Variants in DDIT3 observed in about 807,000 individuals in gnomAD.
DDIT3 encodes DNA damage-inducible transcript 3 protein.
DDIT3 carries 14 observed loss-of-function variants against 17.6 expected under a neutral mutation model. That is an observed-to-expected ratio of 0.80 (90% CI 0.53 to 1.25). The LOEUF is 1.25. Among genes scored for constraint, DDIT3 ranks in the 50% most tolerant of loss-of-function variants. The pLI is 0.00. For synonymous variants in DDIT3, 93 were observed against 76.5 expected (o/e 1.22, Z -1.13); for missense variants, 216 against 202.7 (o/e 1.07, Z -0.40).
chr12:57,516,662 ACCTTT>A lies in DDIT3; in HGVS notation c.*142_*146del, dbSNP rs1877861204. On this transcript the variant is annotated 3_prime_UTR_variant, in exon 4 of 4. Transcript: ENST00000346473. ...GTACAATCTCTATATACAAGCTGAG[ACCTTT>A]CCTTTTGTCTACTCCAAGCCTTCCC... 2 of 1,523,720 alleles carry A rather than the reference ACCTTT, an allele frequency of 1.3e-6. No individual in the cohort carries two copies. Among genetic ancestry groups the A allele is most frequent in the African/African-American group, 1.4e-5 (1 of 71,644 alleles). 94.4% of individuals were successfully genotyped at this position (1,523,720 alleles called of 1,614,324 possible).
chr12:57,517,525 T>C (rs1319473148), intron 2 of DDIT3, 87 bp from the exon 3 acceptor site: 1 of 1,431,962 alleles, frequency 7.0e-7, no homozygotes, highest in Non-Finnish European at 9.6e-7. Context: ...GATGCCTGTT[T>C]TTGTAGGTAA....
In DDIT3 at chr12:57,517,371, T is replaced by C. The variant is rs1877944019; in HGVS notation, c.36A>G (p.Thr12=). The part of the protein sequence containing the change: ...AAESLPFSFG[T]LSSWELEAWY... ...AGGCTTCCAGCTCCCAGCTGGACAG[T>C]GTCCCGAAGGAGAAAGGCAATGACT... The change falls in exon 3 of 4, where the codon ACA becomes ACG. Residue 12 remains threonine, a synonymous_variant. Coordinates refer to ENST00000346473, the MANE Select transcript of DDIT3 (RefSeq NM_004083.6). 1.1e-5 allele frequency: 18 copies of C among 1,612,974 alleles called. No individual in the cohort carries two copies. Among genetic ancestry groups the C allele is most frequent in the Non-Finnish European group, 1.4e-5 (17 of 1,180,018 alleles).
At chr12:57,520,358 G>A (rs1239626650) in intron 1 of DDIT3, 60 bp downstream of exon 1, 1 of 398,426 alleles carries the variant, frequency 2.5e-6, no homozygotes, top group East Asian at 3.6e-5. Flanking sequence ...ATCCTAAAGA[G>A]CGGACGCCCC....
chr12:57,518,579 A>G (rs1187688935), intron 1 of DDIT3, among the ~76,000 whole-genome samples: 2 of 152,178 alleles, frequency 1.3e-5, no homozygotes, highest in African/African-American at 2.4e-5. Flanking sequence ...TGACAACTCT[A>G]GTTGCTTAAG....
rs878950898 is a variant in DDIT3, at chr12:57,516,757, C to G, written c.*52G>C. The G allele has an allele frequency of 6.3e-5, 99 of 1,579,272 alleles. No individual in the cohort carries two copies. In the South Asian group the frequency reaches 1.0e-3, roughly 16 times the overall value. ...GTGAGAGGGTAGTCAGTAGCCACTT[C>G]TGGGAAAGGTGGGTAGTGTGGCCCA... On this transcript the variant is annotated 3_prime_UTR_variant, in exon 4 of 4. Transcript: ENST00000346473.
At position 57,516,665 on chromosome 12, in the gene DDIT3, T is replaced by C. The variant is rs1666301759; in HGVS notation, c.*144A>G. The C allele has an allele frequency of 2.0e-6, 3 of 1,522,310 alleles. No individual in the cohort carries two copies. The highest frequency in any genetic ancestry group is 2.6e-6 in the Non-Finnish European group (3 of 1,137,188). The allele number at this position is 1,522,310 out of a possible 1,614,324, so 94.3% of individuals were successfully genotyped here. A position where few individuals can be genotyped will look rare whatever the true frequency, so the allele number is the denominator to read the frequency against. On this transcript the variant is annotated 3_prime_UTR_variant, in exon 4 of 4. Coordinates refer to ENST00000346473, the MANE Select transcript of DDIT3 (RefSeq NM_004083.6). ...CAATCTCTATATACAAGCTGAGACC[T>C]TTCCTTTTGTCTACTCCAAGCCTTC...
At chr12:57,519,119 A>C (rs781617497) in intron 1 of DDIT3, 4 of 532,420 alleles carry the variant, frequency 7.5e-6, no homozygotes, top group South Asian at 5.6e-5. Context: ...TTCTCTTGCC[A>C]CCCCTCCGCA....
chr12:57,517,560 C>CT, intron 2 of DDIT3, 122 bp from the exon 3 acceptor site: 1 of 1,025,236 alleles, frequency 9.8e-7, no homozygotes, highest in Non-Finnish European at 1.5e-6. Flanking sequence ...ACAGCCACAT[C>CT]TGTTTATTTA....
chr12:57,519,648 G>C (rs571601956), intron 1 of DDIT3, among the ~76,000 whole-genome samples: 1 of 152,340 alleles, frequency 6.6e-6, no homozygotes, highest in East Asian at 1.9e-4. Context: ...CAGCAGTAGA[G>C]CCTCAGGTCA....
intron 1 of DDIT3, among the ~76,000 whole-genome samples, chr12:57,519,582 C>T (rs946208893): frequency 1.3e-5 from 2 of 152,226 alleles, no homozygotes; most frequent in Non-Finnish European, 2.9e-5. Context: ...CTCTGCAGGG[C>T]TGTCCTCCCT....
At position 57,517,391 on chromosome 12, in the gene DDIT3, A is replaced by G. The variant is rs746059087; in HGVS notation, c.16T>C (p.Leu6=). 26 of 1,610,578 alleles carry G rather than the reference A, an allele frequency of 1.6e-5. No homozygotes were observed. The South Asian group carries it at 2.3e-4, about 14-fold the overall frequency. Residue 6 remains leucine, a synonymous_variant, in exon 3 of 4, where the codon TTG becomes CTG. Coordinates refer to ENST00000346473, the MANE Select transcript of DDIT3 (RefSeq NM_004083.6). MAAES[L]PFSFGTLSSW... is the part of the protein sequence containing the mutation. ...GACAGTGTCCCGAAGGAGAAAGGCA[A>G]TGACTCAGCTGCCATCTCTGCAGTT... is the stretch of plus-strand genomic sequence containing the variant.
rs1565654450 is a variant in DDIT3, at chr12:57,517,125, T to C, written c.194A>G (p.Glu65Gly). 4 of 1,613,022 alleles carry C rather than the reference T, an allele frequency of 2.5e-6. No individual in the cohort carries two copies. In the African/African-American group the frequency reaches 5.3e-5, roughly 22 times the overall value. The part of the protein sequence containing the change: ...LDPASLAWLT[E>G]EEPEPAEVTS... ...GACCTCTGCTGGTTCTGGCTCCTCC[T>C]CAGTCAGCCAAGCCAGAGAAGCAGG... The change falls in exon 4 of 4, where the codon GAG becomes GGG. Residue 65 changes from glutamate (E) to glycine (G), a missense_variant. Transcript: ENST00000346473.
At chr12:57,519,241 G>C (rs1448571365) in intron 1 of DDIT3, 1 of 531,626 alleles carries the variant, frequency 1.9e-6, no homozygotes, top group African/African-American at 1.9e-5. Context: ...GAAGGGTTTT[G>C]AGTGGAGGAA....
In DDIT3 at chr12:57,517,260, C is replaced by G; in HGVS notation, c.138+9G>C. 2 of 1,614,040 alleles carry G rather than the reference C, an allele frequency of 1.2e-6. No individual in the cohort carries two copies. The highest frequency in any genetic ancestry group is 1.7e-6 in the Non-Finnish European group (2 of 1,179,938). ...CATCCCCCTTTAGCTTTAGGGCTAA[C>G]ATTCTTACCTCTTCATTTCCAGGAG... On this transcript the variant is annotated intron_variant, in intron 3 of 3. Coordinates refer to ENST00000346473, the MANE Select transcript of DDIT3 (RefSeq NM_004083.6).
chr12:57,517,540 G>A, intron 2 of DDIT3, 102 bp from the exon 3 acceptor site: 4 of 1,238,298 alleles, frequency 3.2e-6, no homozygotes, highest in Non-Finnish European at 4.6e-6. Flanking sequence ...AGGTAAAGTT[G>A]TACTGGAATA....
At position 57,517,490 on chromosome 12, in the gene DDIT3, A is replaced by G. The variant is rs780571404; in HGVS notation, c.-32-52T>C. 6.3e-6 allele frequency: 10 copies of G among 1,591,800 alleles called. No homozygotes were observed. The East Asian group carries it at 1.6e-4, about 25-fold the overall frequency. On this transcript the variant is annotated intron_variant, in intron 2 of 3. Transcript: ENST00000346473. ...ACAAGCTCCATGTAGCAAACAGTCT[A>G]TGCCACAAGTTGGCAAGCTGGTCTG...
rs908709852 is a variant in DDIT3, at chr12:57,517,720, G to T, written c.-47C>A. On this transcript the variant is annotated 5_prime_UTR_variant, in exon 2 of 4. Coordinates refer to ENST00000346473, the MANE Select transcript of DDIT3 (RefSeq NM_004083.6). Reference sequence around the variant, plus strand: ...GTTAAGTTTACCTGCTTTCAGGTGTGGTGATGTATGAAGATACACTTCCTT... The same window carrying T: ...GTTAAGTTTACCTGCTTTCAGGTGTTGTGATGTATGAAGATACACTTCCTT... 3.6e-6 allele frequency: 2 copies of T among 552,046 alleles called. No individual in the cohort carries two copies. Among genetic ancestry groups the T allele is most frequent in the Non-Finnish European group, 6.4e-6 (2 of 311,688 alleles). The allele number at this position is 552,046 out of a possible 1,614,324, so 34.2% of individuals were successfully genotyped here.
intron 1 of DDIT3, among the ~76,000 whole-genome samples, chr12:57,519,973 A>C (rs1330877702): frequency 6.6e-6 from 1 of 152,234 alleles, no homozygotes; most frequent in Non-Finnish European, 1.5e-5. Context: ...CCATGCTGAC[A>C]CCAGAGGCAC....
At position 57,517,169 on chromosome 12, in the gene DDIT3, T is replaced by A. The variant is rs1877924898; in HGVS notation, c.150A>T (p.Lys50Asn). 2 of 1,607,204 alleles carry A rather than the reference T, an allele frequency of 1.2e-6. No homozygotes were observed. The highest frequency in any genetic ancestry group is 1.7e-6 in the Non-Finnish European group (2 of 1,175,412). The stretch of plus-strand genomic sequence containing the variant: ...AAGCAGGGTCAAGAGTGGTGAAGAT[T>A]TTTGATTCTTCCTTCAAGGAAATGA... ...SPPGNEEEES[K>N]IFTTLDPASL... Residue 50 changes from lysine (K) to asparagine (N), a missense_variant, in exon 4 of 4, where the codon AAA becomes AAT. Transcript: ENST00000346473.
Sources: gnomAD v4.1 joint callset for allele counts (sites outside exome capture counted in the v4.1 genomes callset) on GRCh38, gnomAD v4.1.1 for gene constraint, MANE v1.5 for transcripts, NCBI Gene and HGNC (gene_info 2026-07-23, HGNC 2026-07-21) for gene names.